NAA25: variants seen among roughly 807,000 people sequenced by gnomAD.
The protein encoded by NAA25 is N-alpha-acetyltransferase 25, NatB auxiliary subunit.
Under a neutral mutation model 132.5 loss-of-function variants are expected in NAA25, and 30 were observed. The ratio of observed to expected loss-of-function variants is 0.23; its 90% CI spans 0.17 to 0.31. The LOEUF is 0.31. NAA25 is among the 10% of genes least tolerant of loss of function. NAA25 has a pLI of 1.00. For missense variants in NAA25, 771 were observed against 1,150.4 expected (o/e 0.67, Z 4.77); for synonymous variants, 359 against 401.9 (o/e 0.89, Z 1.28).
At position 112,070,174 on chromosome 12, in the gene NAA25, T is replaced by C. The variant is rs1268343293; in HGVS notation, c.1037-1182A>G. 2.0e-5 allele frequency among the ~76,000 whole-genome samples: 3 copies of C among 152,120 alleles called. No homozygotes were observed. The East Asian group carries it at 5.8e-4, about 29-fold the overall frequency. Reference sequence around the variant, plus strand: ...AAAACCTGTAAGCAAATTCTTAGTATGAGCAAAGAATTACTGCTTTCTTTT... The same window carrying C: ...AAAACCTGTAAGCAAATTCTTAGTACGAGCAAAGAATTACTGCTTTCTTTT... On this transcript the variant is annotated intron_variant, in intron 10 of 23. Transcript: ENST00000261745.
chr12:112,042,769 A>C (rs1017765758), intron 19 of NAA25, among the ~76,000 whole-genome samples: 16 of 152,232 alleles, frequency 1.1e-4, no homozygotes, highest in Non-Finnish European at 1.8e-4. Flanking sequence ...GGCCACCCAA[A>C]GTGCTGGGAT....
At chr12:112,093,938 A>G (rs1022187536) in intron 1 of NAA25, among the ~76,000 whole-genome samples, 1 of 151,806 alleles carries the variant, frequency 6.6e-6, no homozygotes, top group African/African-American at 2.4e-5. Context: ...AACATTATGG[A>G]TCTAATTTTA....
intron 21 of NAA25, 99 bp from the exon 22 acceptor site, chr12:112,039,438 T>G: frequency 1.5e-6 from 1 of 676,024 alleles, no homozygotes; most frequent in African/African-American, 1.8e-5. Context: ...ACGCAGTTCT[T>G]CTATGTAAAT....
At chr12:112,032,687 G>C (rs1237651300) in intron 23 of NAA25, among the ~76,000 whole-genome samples, 1 of 152,160 alleles carries the variant, frequency 6.6e-6, no homozygotes, top group African/African-American at 2.4e-5. Flanking sequence ...AAGGGCAAAG[G>C]CTTTATAAGG....
chr12:112,086,908 G>T (rs2079065900), intron 4 of NAA25, among the ~76,000 whole-genome samples: 1 of 13,740 alleles, frequency 7.3e-5, no homozygotes, highest in Non-Finnish European at 1.2e-4. Context: ...CTACTCAGGA[G>T]GCTGAGGCAG....
intron 20 of NAA25, among the ~76,000 whole-genome samples, chr12:112,040,857 T>A (rs1297881347): frequency 6.6e-6 from 1 of 152,190 alleles, no homozygotes; most frequent in African/African-American, 2.4e-5. Context: ...AGATAGGCCA[T>A]CAGCACAATA....
chr12:112,081,674 C>T (rs1019697549), intron 4 of NAA25, among the ~76,000 whole-genome samples: 1 of 152,108 alleles, frequency 6.6e-6, no homozygotes, highest in Admixed American at 6.6e-5. Flanking sequence ...AAAGCAAGAA[C>T]ATGCTTTTAA....
intron 10 of NAA25, among the ~76,000 whole-genome samples, chr12:112,071,181 C>T (rs2078801903): frequency 6.8e-6 from 1 of 147,566 alleles, no homozygotes; most frequent in African/African-American, 2.5e-5. Context: ...ACCACATCCA[C>T]CCAATTTTTT....
At chr12:112,075,874 T>C (rs2078888838) in intron 7 of NAA25, 85 bp from the exon 8 acceptor site, 1 of 1,110,282 alleles carries the variant, frequency 9.0e-7, no homozygotes, top group African/African-American at 1.6e-5. Context: ...AGAAGGAAAA[T>C]GTCACATTTT....
At position 112,054,657 on chromosome 12, in the gene NAA25, A is replaced by AC. The variant is rs143230855; in HGVS notation, c.1448-90dup. Reference sequence around the variant, plus strand: ...AAAACAAAACCTTATTGACATCATCACCCCCCCCAATAAATGAAGTTAAAT... The same window carrying AC: ...AAAACAAAACCTTATTGACATCATCACCCCCCCCCAATAAATGAAGTTAAAT... On this transcript the variant is annotated intron_variant, in intron 13 of 23. Transcript: ENST00000261745. The AC allele has an allele frequency of 7.8e-4, 888 of 1,135,126 alleles. 1 individual carries two copies. The highest frequency in any genetic ancestry group is 1.1e-3 in the South Asian group (65 of 60,468). The allele number at this position is 1,135,126 out of a possible 1,614,324, so 70.3% of individuals were successfully genotyped here.
At chr12:112,108,691 G>A in intron 1 of NAA25, 25 bp downstream of exon 1, 1 of 1,452,022 alleles carries the variant, frequency 6.9e-7, no homozygotes, top group South Asian at 1.4e-5. Flanking sequence ...TCGGGCTGGC[G>A]AGCGGGCTGG....
intron 5 of NAA25, among the ~76,000 whole-genome samples, chr12:112,079,988 G>C (rs1159972001): frequency 1.3e-5 from 2 of 151,940 alleles, no homozygotes; most frequent in Non-Finnish European, 2.9e-5. Flanking sequence ...AACTCATAAA[G>C]AATACTCAAG....
intron 1 of NAA25, among the ~76,000 whole-genome samples, chr12:112,098,807 G>C (rs1272875044): frequency 2.0e-5 from 3 of 152,090 alleles, no homozygotes; most frequent in Non-Finnish European, 2.9e-5. Context: ...GCCCAGGCTA[G>C]AGTGCAGTTG....
At chr12:112,033,984 T>C (rs1396503692) in intron 22 of NAA25, 5 of 152,108 alleles carry the variant, frequency 3.3e-5, no homozygotes, top group African/African-American at 1.2e-4. Flanking sequence ...TTAATAAAGC[T>C]AGCTTTTCAC....
chr12:112,033,158 T>G, intron 23 of NAA25, 75 bp downstream of exon 23: 1 of 1,425,918 alleles, frequency 7.0e-7, no homozygotes. Context: ...CTTGTCCTTG[T>G]GATAAAGATG....
At chr12:112,054,122 G>A (rs965841974) in intron 14 of NAA25, among the ~76,000 whole-genome samples, 1 of 152,190 alleles carries the variant, frequency 6.6e-6, no homozygotes, top group Non-Finnish European at 1.5e-5. Flanking sequence ...TCAAAATAAT[G>A]TGTGCTAAGA....
At position 112,099,519 on chromosome 12, in the gene NAA25, G is replaced by A. The variant is rs941754006; in HGVS notation, c.59-6383C>T. Among the ~76,000 whole-genome samples, 3 of 152,156 alleles carry A rather than the reference G, an allele frequency of 2.0e-5. 1 individual carries two copies. Among genetic ancestry groups the A allele is most frequent in the Admixed American group, 1.3e-4 (2 of 15,264 alleles). ...ATAGCACAGATAATACTATAATGCA[G>A]CTAAAATAATGAGATTAGGTAAAAG... On this transcript the variant is annotated intron_variant, in intron 1 of 23. Coordinates refer to ENST00000261745, the MANE Select transcript of NAA25 (RefSeq NM_024953.4).
In NAA25 at chr12:112,098,344, C is replaced by T. The variant is rs561269254; in HGVS notation, c.59-5208G>A. Among the ~76,000 whole-genome samples the T allele has an allele frequency of 2.6e-5, 4 of 152,054 alleles. No individual in the cohort carries two copies. In the South Asian group the frequency reaches 8.3e-4, roughly 32 times the overall value. On this transcript the variant is annotated intron_variant, in intron 1 of 23. Coordinates refer to ENST00000261745, the MANE Select transcript of NAA25 (RefSeq NM_024953.4). ...TCTTCACCTGAAAGAGTTTAAAACA[C>T]TTTACCACATTCAGCCAGGTATCAG... is the stretch of plus-strand genomic sequence containing the variant.
intron 1 of NAA25, among the ~76,000 whole-genome samples, 165 bp downstream of exon 1, chr12:112,108,551 C>T (rs547779153): frequency 2.0e-5 from 3 of 151,802 alleles, no homozygotes; most frequent in East Asian, 3.9e-4. Flanking sequence ...GTTGGGCCGG[C>T]GCCTACGCGA....
Sources: allele counts gnomAD v4.1 joint callset (sites outside exome capture counted in the v4.1 genomes callset), GRCh38; gene constraint gnomAD v4.1.1; transcripts MANE v1.5; gene names NCBI Gene and HGNC (gene_info 2026-07-23, HGNC 2026-07-21).